Variants in SEPTIN14 observed in about 807,000 individuals in gnomAD.
SEPTIN14 encodes the protein septin-14.
SEPTIN14 carries 40 observed loss-of-function variants against 53.6 expected under a neutral mutation model. That is an observed-to-expected ratio of 0.75 (90% CI 0.58 to 0.97). The LOEUF is 0.97. Ranked by LOEUF, SEPTIN14 falls within the 50% of genes least tolerant of loss-of-function variation. The pLI, the probability that SEPTIN14 is intolerant of heterozygous loss-of-function variation, is 0.00. For synonymous variants in SEPTIN14, 138 were observed against 166.8 expected (o/e 0.83, Z 1.33); for missense variants, 471 against 508.2 (o/e 0.93, Z 0.70).
intron 7 of SEPTIN14, chr7:55,810,979 T>C (rs1788691096): frequency 2.3e-6 from 1 of 427,660 alleles, no homozygotes; most frequent in Non-Finnish European, 4.5e-6. Flanking sequence ...GTTCTGTTCT[T>C]GGATGCAGGA....
At chr7:55,829,710 C>CA (rs1348982957) in intron 6 of SEPTIN14, among the ~76,000 whole-genome samples, 3 of 138,786 alleles carry the variant, frequency 2.2e-5, no homozygotes, top group Admixed American at 8.1e-5. Flanking sequence ...AAGTCTGCAA[C>CA]AAAAAATGGC....
intron 2 of SEPTIN14, among the ~76,000 whole-genome samples, chr7:55,858,714 G>A (rs1007271506): frequency 6.6e-6 from 1 of 152,174 alleles, no homozygotes; most frequent in Non-Finnish European, 1.5e-5. Context: ...TGAGGCAGGA[G>A]AATCGCTTGA....
intron 7 of SEPTIN14, among the ~76,000 whole-genome samples, chr7:55,817,480 T>C (rs891998237): frequency 2.0e-5 from 3 of 147,508 alleles, no homozygotes; most frequent in Non-Finnish European, 4.4e-5. Context: ...ATATATATTT[T>C]TTTTTTTTGA....
intron 6 of SEPTIN14, among the ~76,000 whole-genome samples, chr7:55,830,053 C>T (rs2116020447): frequency 6.7e-6 from 1 of 149,694 alleles, no homozygotes; most frequent in Non-Finnish European, 1.5e-5. Context: ...TGGCGGGCGC[C>T]TATAGTCCCA....
chr7:55,824,295 A>C (rs76869074), intron 6 of SEPTIN14, among the ~76,000 whole-genome samples: 5,692 of 152,254 alleles, frequency 0.037, 132 homozygotes, highest in Admixed American at 0.058. Flanking sequence ...CCAACAAAAA[A>C]ATGAACAACT....
chr7:55,815,210 G>A (rs1788772215), intron 7 of SEPTIN14, among the ~76,000 whole-genome samples: 1 of 152,054 alleles, frequency 6.6e-6, no homozygotes. Flanking sequence ...CATTGGGGAA[G>A]CTCTTTAGGA....
At chr7:55,847,434 T>C (rs116505302) in intron 2 of SEPTIN14, among the ~76,000 whole-genome samples, 2,153 of 152,208 alleles carry the variant, frequency 0.014, 59 homozygotes, top group African/African-American at 0.048. Flanking sequence ...CCCTCCTAAA[T>C]TGAACATATT....
At chr7:55,845,490 C>T (rs1364957461) in intron 3 of SEPTIN14, among the ~76,000 whole-genome samples, 1 of 152,062 alleles carries the variant, frequency 6.6e-6, no homozygotes, top group African/African-American at 2.4e-5. Context: ...TATTGCACAG[C>T]AGAGTGACTA....
intron 5 of SEPTIN14, among the ~76,000 whole-genome samples, chr7:55,836,802 A>T (rs1026558089): frequency 1.3e-5 from 2 of 152,180 alleles, no homozygotes; most frequent in African/African-American, 4.8e-5. Flanking sequence ...ACTAATTAAG[A>T]ACTTGAAGCA....
intron 4 of SEPTIN14, among the ~76,000 whole-genome samples, 175 bp downstream of exon 4, chr7:55,844,348 T>C (rs917226681): frequency 1.3e-5 from 2 of 152,134 alleles, no homozygotes; most frequent in African/African-American, 2.4e-5. Flanking sequence ...ATAAAAATCT[T>C]GTAAGAAAGT....
chr7:55,841,871 A>AAT (rs1405328722), intron 5 of SEPTIN14, among the ~76,000 whole-genome samples: 1 of 151,346 alleles, frequency 6.6e-6, no homozygotes, highest in East Asian at 1.9e-4. Flanking sequence ...AAAAAAAAAA[A>AAT]AAAAATTAGC....
intron 5 of SEPTIN14, among the ~76,000 whole-genome samples, chr7:55,836,429 AAC>A (rs1789206055): frequency 6.6e-6 from 1 of 152,182 alleles, no homozygotes; most frequent in Admixed American, 6.6e-5. Flanking sequence ...GATTGCTCAA[AAC>A]ACGTTTTTTA....
At chr7:55,804,298 C>T (rs1471254619) in intron 9 of SEPTIN14, among the ~76,000 whole-genome samples, 6 of 149,364 alleles carry the variant, frequency 4.0e-5, no homozygotes, top group Admixed American at 6.7e-5. Context: ...GTCTCACTCT[C>T]GCCCAGGCTG....
intron 6 of SEPTIN14, among the ~76,000 whole-genome samples, chr7:55,833,657 G>A (rs1789152831): frequency 6.6e-6 from 1 of 152,088 alleles, no homozygotes; most frequent in East Asian, 1.9e-4. Flanking sequence ...ACAGTGAGCC[G>A]AGATTGTGCC....
At chr7:55,848,404 C>A (rs1319129580) in intron 2 of SEPTIN14, among the ~76,000 whole-genome samples, 1 of 152,026 alleles carries the variant, frequency 6.6e-6, no homozygotes, top group Non-Finnish European at 1.5e-5. Context: ...TCAGGTGATG[C>A]GCCTGCCTCG....
chr7:55,818,659 A>AATT (rs1056236258), intron 7 of SEPTIN14, among the ~76,000 whole-genome samples: 18 of 152,148 alleles, frequency 1.2e-4, no homozygotes, highest in Non-Finnish European at 2.5e-4. Context: ...GCCAAAGGTA[A>AATT]ATTGTACTTT....
chr7:55,844,524 T>C lies in SEPTIN14; in HGVS notation c.370A>G (p.Ser124Gly). The stretch of plus-strand genomic sequence containing the variant: ...TAATTTAAATAAGAAAACACTCACC[T>C]GGCTTCTTTGTCTATTTGATCACCA... Reference protein sequence around the residue: ...GYGDQIDKEASYQPIVDYIDA... With the variant: ...GYGDQIDKEAGYQPIVDYIDA... The change falls in exon 4 of 10, where the codon AGC (serine) becomes GGC (glycine). Residue 124 changes from serine (S) to glycine (G), a missense_variant and splice_region_variant. Ser to Gly is a moderately conservative substitution (Grantham distance 56). Transcript: ENST00000388975. 1 of 1,455,230 alleles carries C rather than the reference T, an allele frequency of 6.9e-7. No homozygotes were observed. Among genetic ancestry groups the C allele is most frequent in the African/African-American group, 1.4e-5 (1 of 71,304 alleles). 90.1% of individuals were successfully genotyped at this position (1,455,230 alleles called of 1,614,324 possible). A position where few individuals can be genotyped will look rare whatever the true frequency, so the allele number is the denominator to read the frequency against.
chr7:55,846,231 G>A (rs1348901401), intron 3 of SEPTIN14, among the ~76,000 whole-genome samples: 1 of 151,244 alleles, frequency 6.6e-6, no homozygotes, highest in Non-Finnish European at 1.5e-5. Context: ...GGTGTCTCAT[G>A]CCTGTAATCC....
chr7:55,823,325 A>C (rs1788928586), intron 6 of SEPTIN14, among the ~76,000 whole-genome samples: 1 of 152,110 alleles, frequency 6.6e-6, no homozygotes, highest in Admixed American at 6.6e-5. Flanking sequence ...GCCTATTCTG[A>C]GCCCATAAAA....
Sources: gnomAD v4.1 joint callset for allele counts (sites outside exome capture counted in the v4.1 genomes callset) on GRCh38, gnomAD v4.1.1 for gene constraint, MANE v1.5 for transcripts, NCBI Gene and HGNC (gene_info 2026-07-23, HGNC 2026-07-21) for gene names.